IQCH: variants seen among roughly 807,000 people sequenced by gnomAD.
IQCH encodes IQ motif containing H.
In IQCH, 98 loss-of-function variants were observed where a neutral mutation model predicts 117.0. The observed-to-expected ratio is 0.84, with a 90% CI of 0.71 to 0.99. The LOEUF is 0.99. Ranked by LOEUF, IQCH falls within the 50% of genes least tolerant of loss-of-function variation. The pLI is 0.00. For missense variants in IQCH, 1,102 were observed against 1,243.8 expected (o/e 0.89, Z 1.72); for synonymous variants, 412 against 448.2 (o/e 0.92, Z 1.02).
intron 16 of IQCH, among the ~76,000 whole-genome samples, chr15:67,442,862 AG>A (rs756026436): frequency 0.011 from 1,429 of 127,396 alleles, 27 homozygotes; most frequent in African/African-American, 0.042. Flanking sequence ...ATAGATAGAT[AG>A]ATATACATAT....
At chr15:67,258,956 A>C (rs914037755) in intron 1 of IQCH, among the ~76,000 whole-genome samples, 2 of 152,198 alleles carry the variant, frequency 1.3e-5, no homozygotes, top group Admixed American at 1.3e-4. Flanking sequence ...AGTGGTTGTT[A>C]AGAGGGGAGG....
chr15:67,283,819 A>G (rs1596097207), intron 4 of IQCH, among the ~76,000 whole-genome samples: 1 of 152,238 alleles, frequency 6.6e-6, no homozygotes, highest in Admixed American at 6.5e-5. Flanking sequence ...TAGTGCCCCA[A>G]TTTGAGATGC....
intron 1 of IQCH, among the ~76,000 whole-genome samples, chr15:67,260,912 A>G (rs147443075): frequency 2.0e-5 from 3 of 152,138 alleles, no homozygotes; most frequent in Admixed American, 6.5e-5. Flanking sequence ...CCTGACCAAC[A>G]TGGTGAAAGC....
At chr15:67,486,425 C>G (rs911023606) in intron 18 of IQCH, among the ~76,000 whole-genome samples, 4 of 152,042 alleles carry the variant, frequency 2.6e-5, no homozygotes, top group Non-Finnish European at 1.5e-5. Flanking sequence ...ACCAAGCATT[C>G]TATTCCTAGC....
At chr15:67,307,510 T>A (rs1173290575) in intron 4 of IQCH, among the ~76,000 whole-genome samples, 1 of 14,754 alleles carries the variant, frequency 6.8e-5, no homozygotes, top group Admixed American at 8.3e-4. Flanking sequence ...GGGGTGGGGG[T>A]GGGGGTAGGG....
At position 67,491,311 on chromosome 15, in the gene IQCH, T is replaced by C. The variant is rs908976423; in HGVS notation, c.2861+1247T>C. Among the ~76,000 whole-genome samples the C allele has an allele frequency of 5.3e-5, 8 of 152,190 alleles. No homozygotes were observed. The highest frequency in any genetic ancestry group is 1.3e-4 in the Admixed American group (2 of 15,290). On this transcript the variant is annotated intron_variant, in intron 19 of 20. Transcript: ENST00000335894. This position sits in a 1 kb window ranked among gnomAD's most constrained non-coding sequence, Gnocchi z 4.9. ...GGCCTCAACTTCCCTATCCAAAGCA[T>C]AGTCCTTTGTTCTACCAAAGCATTA... is the stretch of plus-strand genomic sequence containing the variant.
chr15:67,310,212 A>C (rs982975431), intron 4 of IQCH, among the ~76,000 whole-genome samples: 1 of 152,116 alleles, frequency 6.6e-6, no homozygotes, highest in African/African-American at 2.4e-5. Context: ...TTTTAAGTAT[A>C]ATAAAGAAGA....
chr15:67,371,628 C>T (rs1970537160), intron 8 of IQCH: 3 of 767,646 alleles, frequency 3.9e-6, no homozygotes, highest in Non-Finnish European at 6.4e-6. Context: ...AAGTGATGAT[C>T]TTTTATGAAG....
chr15:67,418,858 G>A (rs1422140282), intron 15 of IQCH, among the ~76,000 whole-genome samples: 2 of 151,636 alleles, frequency 1.3e-5, no homozygotes, highest in African/African-American at 2.4e-5. Context: ...GATTACAGGC[G>A]TGAGCCACTA....
chr15:67,443,141 C>T lies in IQCH; in HGVS notation c.2505+21564C>T, dbSNP rs1478656944. ...CTGAGTAGCTGGGACTACAGGCGCCCGCCACAGCGCCCGGCTAATTTTTTG... is the reference window on the plus strand; with the variant it reads ...CTGAGTAGCTGGGACTACAGGCGCCTGCCACAGCGCCCGGCTAATTTTTTG... On this transcript the variant is annotated intron_variant, in intron 16 of 20. Transcript: ENST00000335894. This position sits in a 1 kb window ranked among gnomAD's most constrained non-coding sequence, Gnocchi z 5.0. Among the ~76,000 whole-genome samples the T allele has an allele frequency of 6.6e-6, 1 of 151,952 alleles. No individual in the cohort carries two copies. Among genetic ancestry groups the T allele is most frequent in the Admixed American group, 6.6e-5 (1 of 15,248 alleles).
chr15:67,402,428 C>T (rs11071951), intron 14 of IQCH, among the ~76,000 whole-genome samples: 67,497 of 152,016 alleles, frequency 0.44, 15,956 homozygotes, highest in Non-Finnish European at 0.54. Context: ...CTGCAGTCTC[C>T]ATTGAGTGTA....
chr15:67,434,668 A>C (rs1409784861), intron 16 of IQCH, among the ~76,000 whole-genome samples: 1 of 151,732 alleles, frequency 6.6e-6, no homozygotes, highest in Non-Finnish European at 1.5e-5. Flanking sequence ...TTTTTGAGGA[A>C]CCTCCATACA....
At chr15:67,377,718 AC>A (rs1366374606) in intron 10 of IQCH, among the ~76,000 whole-genome samples, 1 of 151,900 alleles carries the variant, frequency 6.6e-6, no homozygotes, top group East Asian at 1.9e-4. Context: ...AGCCAATTAA[AC>A]CCCCAGGGAT....
intron 8 of IQCH, among the ~76,000 whole-genome samples, chr15:67,361,446 A>G (rs1970129087): frequency 6.6e-6 from 1 of 152,254 alleles, no homozygotes; most frequent in African/African-American, 2.4e-5. Flanking sequence ...GGACTATGTA[A>G]CTACCAGAGC....
chr15:67,394,501 T>A (rs1971394135), intron 12 of IQCH, among the ~76,000 whole-genome samples: 1 of 152,104 alleles, frequency 6.6e-6, no homozygotes, highest in Non-Finnish European at 1.5e-5. Flanking sequence ...GTGTTAACTG[T>A]TATTTGTGTC....
At chr15:67,300,251 A>G (rs1009577821) in intron 4 of IQCH, among the ~76,000 whole-genome samples, 10 of 152,140 alleles carry the variant, frequency 6.6e-5, no homozygotes, top group Admixed American at 2.0e-4. Context: ...AAGTGTTTCA[A>G]TCCACAGTAA....
chr15:67,499,699 CAA>C (rs978171401), intron 20 of IQCH, among the ~76,000 whole-genome samples: 1 of 151,874 alleles, frequency 6.6e-6, no homozygotes, highest in Non-Finnish European at 1.5e-5. Context: ...AGAAACAACC[CAA>C]GTGTCCATCG....
intron 16 of IQCH, among the ~76,000 whole-genome samples, chr15:67,450,654 T>C (rs2082501604): frequency 6.6e-6 from 1 of 152,214 alleles, no homozygotes. Context: ...TTTGCATCAA[T>C]GTTCATCAAG....
intron 3 of IQCH, among the ~76,000 whole-genome samples, chr15:67,274,412 G>C (rs1966037469): frequency 6.6e-6 from 1 of 152,114 alleles, no homozygotes; most frequent in African/African-American, 2.4e-5. Flanking sequence ...GAAGCTCACT[G>C]ATTCTTTCTT....
Sources: allele counts gnomAD v4.1 joint callset (sites outside exome capture counted in the v4.1 genomes callset), GRCh38; gene constraint gnomAD v4.1.1; non-coding constraint Gnocchi (gnomAD v3.1); transcripts MANE v1.5; gene names NCBI Gene and HGNC (gene_info 2026-07-23, HGNC 2026-07-21).